The following FLVCR2 variants were observed in gnomAD, a reference collection of about 807,000 sequenced individuals.
FLVCR2 encodes choline/ethanolamine transporter FLVCR2.
FLVCR2 carries 38 observed loss-of-function variants against 48.9 expected under a neutral mutation model. The ratio of observed to expected loss-of-function variants is 0.78; its 90% CI spans 0.60 to 1.02. The LOEUF (loss-of-function observed/expected upper bound fraction) is 1.02, where lower values mean the gene tolerates loss of function less well. Ranked by LOEUF, FLVCR2 falls within the 50% of genes least tolerant of loss-of-function variation. The probability of loss-of-function intolerance (pLI) is 0.00; values close to 1 mark genes in which losing one functional copy is unlikely to be tolerated. For missense variants in FLVCR2, 664 were observed against 663.3 expected (o/e 1.00, Z -0.01); for synonymous variants, 255 against 257.0 (o/e 0.99, Z 0.07).
chr14:75,626,827 T>C (rs555793781), intron 3 of FLVCR2, among the ~76,000 whole-genome samples: 1 of 152,046 alleles, frequency 6.6e-6, no homozygotes, highest in Non-Finnish European at 1.5e-5. Flanking sequence ...CATGAGTGCA[T>C]TGACCTCTGA....
intron 1 of FLVCR2, chr14:75,605,432 A>G: frequency 1.4e-6 from 2 of 1,462,042 alleles, no homozygotes; most frequent in Non-Finnish European, 1.8e-6. Flanking sequence ...GTGGGAGGGC[A>G]CCCTGTAAGC....
chr14:75,579,013 C>T lies in FLVCR2; in HGVS notation c.41C>T (p.Thr14Ile), dbSNP rs762529776. ...CCCAACCAGGAAGAGAGCGATGACA[C>T]CCCTGTGCCGGAGTCCGCACTCCAA... ...EGPNQEESDD[T>I]PVPESALQAD... The change falls in exon 1 of 10, where the codon ACC becomes ATC. Residue 14 changes from threonine (T) to isoleucine (I), a missense_variant. Transcript: ENST00000238667. 2.5e-6 allele frequency: 4 copies of T among 1,613,998 alleles called. No individual in the cohort carries two copies. The highest frequency in any genetic ancestry group is 3.4e-6 in the Non-Finnish European group (4 of 1,179,994).
chr14:75,639,424 A>T lies in FLVCR2; in HGVS notation c.1197A>T (p.Gly399=). 6.2e-7 allele frequency: 1 copy of T among 1,613,940 alleles called. No homozygotes were observed. The highest frequency in any genetic ancestry group is 1.1e-5 in the South Asian group (1 of 91,082). The part of the protein sequence containing the change: ...MVVYTFTLNL[G]HLWVVFITAG... The stretch of plus-strand genomic sequence containing the variant: ...TGTACACGTTTACCTTGAACCTGGG[A>T]CACCTGTGGGTAGTGTTCATCACTG... Residue 399 remains glycine, a synonymous_variant, in exon 6 of 10, where the codon GGA becomes GGT. Transcript: ENST00000238667.
chr14:75,598,580 C>T (rs114163542), intron 1 of FLVCR2, among the ~76,000 whole-genome samples: 2,500 of 152,258 alleles, frequency 0.016, 78 homozygotes, highest in African/African-American at 0.057. Context: ...TGGGCTTAAG[C>T]GATCCTTGCC....
intron 1 of FLVCR2, among the ~76,000 whole-genome samples, chr14:75,585,040 G>C (rs548316264): frequency 1.3e-5 from 2 of 152,140 alleles, no homozygotes; most frequent in African/African-American, 4.8e-5. Context: ...ATTATAGGGT[G>C]GGGGAGCAGA....
intron 1 of FLVCR2, among the ~76,000 whole-genome samples, chr14:75,599,327 C>CG (rs59790743): frequency 5.9e-5 from 6 of 102,014 alleles, no homozygotes; most frequent in Admixed American, 5.2e-4. Context: ...ATGTACAACA[C>CG]CCCCCCCCAA....
chr14:75,646,753 A>C lies in FLVCR2; in HGVS notation c.*281A>C. The C allele has an allele frequency of 2.2e-6, 1 of 449,268 alleles. No individual in the cohort carries two copies. Among genetic ancestry groups the C allele is most frequent in the Non-Finnish European group, 4.2e-6 (1 of 239,534 alleles). The allele number at this position is 449,268 out of a possible 1,614,324, so 27.8% of individuals were successfully genotyped here. A position where few individuals can be genotyped will look rare whatever the true frequency, so the allele number is the denominator to read the frequency against. The stretch of plus-strand genomic sequence containing the variant: ...GGGACAGGGTGGCAGAGAATATTGG[A>C]GTCAATCCTAGCTTGGTCTCTTGCC... On this transcript the variant is annotated 3_prime_UTR_variant, in exon 10 of 10. Transcript: ENST00000238667.
chr14:75,605,559 C>G, intron 1 of FLVCR2: 1 of 1,536,024 alleles, frequency 6.5e-7, no homozygotes, highest in Non-Finnish European at 8.7e-7. Context: ...CAAGACGCAG[C>G]CTTGTCCCAG....
chr14:75,641,094 G>C, intron 7 of FLVCR2, 34 bp downstream of exon 7: 1 of 1,584,782 alleles, frequency 6.3e-7, no homozygotes, highest in South Asian at 1.1e-5. Flanking sequence ...TTTCCTGGCT[G>C]GGAAGGCATT....
intron 5 of FLVCR2, among the ~76,000 whole-genome samples, chr14:75,638,393 C>T (rs1016166852): frequency 2.0e-5 from 3 of 151,838 alleles, no homozygotes; most frequent in Admixed American, 6.6e-5. Context: ...GCTGAGATCA[C>T]GCCACTGCAC....
Position 75,648,088 on chromosome 14 carries a change from A to G in FLVCR2, c.*1616A>G, listed in dbSNP as rs1363426216. 6.6e-6 allele frequency: 1 copy of G among 152,656 alleles called. No homozygotes were observed. The highest frequency in any genetic ancestry group is 1.9e-4 in the East Asian group (1 of 5,198). 9.5% of individuals were successfully genotyped at this position (152,656 alleles called of 1,614,324 possible). A position where few individuals can be genotyped will look rare whatever the true frequency, so the allele number is the denominator to read the frequency against. On this transcript the variant is annotated 3_prime_UTR_variant, in exon 10 of 10. Coordinates refer to ENST00000238667, the MANE Select transcript of FLVCR2 (RefSeq NM_017791.3). Reference sequence around the variant, plus strand: ...TATTAACAAAATGTTTACCAAACCTATTGCTTTATTTTAAAAACATAATTT... The same window carrying G: ...TATTAACAAAATGTTTACCAAACCTGTTGCTTTATTTTAAAAACATAATTT...
At chr14:75,584,765 G>A (rs1010288088) in intron 1 of FLVCR2, among the ~76,000 whole-genome samples, 3 of 152,214 alleles carry the variant, frequency 2.0e-5, no homozygotes, top group African/African-American at 7.2e-5. Context: ...GAGGGTAGAA[G>A]TCAGGATGAC....
chr14:75,584,738 T>G (rs1888700416), intron 1 of FLVCR2, among the ~76,000 whole-genome samples: 1 of 152,180 alleles, frequency 6.6e-6, no homozygotes, highest in African/African-American at 2.4e-5. Context: ...AAAAACTCTT[T>G]CCCGTTCATC....
chr14:75,610,676 C>T (rs1247963943), intron 1 of FLVCR2, among the ~76,000 whole-genome samples: 1 of 152,160 alleles, frequency 6.6e-6, no homozygotes, highest in Admixed American at 6.5e-5. Context: ...TCTTTCTCTT[C>T]CCTTCTGAGT....
At chr14:75,620,380 C>T (rs1018576070) in intron 1 of FLVCR2, among the ~76,000 whole-genome samples, 3 of 152,210 alleles carry the variant, frequency 2.0e-5, no homozygotes, top group African/African-American at 4.8e-5. Flanking sequence ...TCTGCTTTCT[C>T]ACCTCCACTC....
At chr14:75,586,742 A>G (rs1304093156) in intron 1 of FLVCR2, among the ~76,000 whole-genome samples, 1 of 151,926 alleles carries the variant, frequency 6.6e-6, no homozygotes, top group Non-Finnish European at 1.5e-5. Context: ...TGCTTCTTAC[A>G]TACTCCACGG....
chr14:75,618,076 T>C (rs1889660682), intron 1 of FLVCR2, among the ~76,000 whole-genome samples: 1 of 152,154 alleles, frequency 6.6e-6, no homozygotes, highest in Non-Finnish European at 1.5e-5. Context: ...GTGCAGAACC[T>C]TGTGGGCTGT....
intron 3 of FLVCR2, among the ~76,000 whole-genome samples, chr14:75,630,369 G>C (rs1335783750): frequency 6.6e-6 from 1 of 152,116 alleles, no homozygotes; most frequent in Admixed American, 6.6e-5. Flanking sequence ...TATCTTGAAG[G>C]CCATGTATTC....
At chr14:75,636,678 G>A (rs1216570307) in intron 5 of FLVCR2, among the ~76,000 whole-genome samples, 2 of 152,178 alleles carry the variant, frequency 1.3e-5, no homozygotes, top group East Asian at 1.9e-4. Flanking sequence ...TTCTCCCTGT[G>A]CCACTACCCA....
Sources: gnomAD v4.1 joint callset for allele counts (sites outside exome capture counted in the v4.1 genomes callset) on GRCh38, gnomAD v4.1.1 for gene constraint, MANE v1.5 for transcripts, NCBI Gene and HGNC (gene_info 2026-07-23, HGNC 2026-07-21) for gene names.